Variants in PALS1 observed in about 807,000 individuals in gnomAD.
The protein encoded by PALS1 is protein PALS1.
Under a neutral mutation model 78.9 loss-of-function variants are expected in PALS1, and 31 were observed. That is an observed-to-expected ratio of 0.39 (90% CI 0.30 to 0.53). The LOEUF is 0.53. PALS1 is among the 20% of genes least tolerant of loss of function. The pLI, the probability that PALS1 is intolerant of heterozygous loss-of-function variation, is 0.67. For missense variants in PALS1, 704 were observed against 826.5 expected (o/e 0.85, Z 1.82); for synonymous variants, 276 against 270.9 (o/e 1.02, Z -0.18).
At chr14:67,294,383 A>G (rs1226846046) in intron 4 of PALS1, 1 of 152,086 alleles carries the variant, frequency 6.6e-6, no homozygotes, top group Non-Finnish European at 1.5e-5. Context: ...AAATGGACCC[A>G]TTGCCTTTAT....
chr14:67,264,959 A>T (rs1278446751), intron 1 of PALS1, among the ~76,000 whole-genome samples: 1 of 152,170 alleles, frequency 6.6e-6, no homozygotes. Flanking sequence ...CCATGAGGGC[A>T]GATGATTTAT....
intron 2 of PALS1, among the ~76,000 whole-genome samples, chr14:67,275,605 G>A (rs945558254): frequency 3.2e-4 from 49 of 152,064 alleles, no homozygotes; most frequent in African/African-American, 1.1e-3. Context: ...GTCTCTGCCC[G>A]GCTTTGGTAT....
chr14:67,281,704 GAAAC>G (rs2084611015), intron 3 of PALS1, among the ~76,000 whole-genome samples: 2 of 152,104 alleles, frequency 1.3e-5, no homozygotes, highest in Non-Finnish European at 2.9e-5. Flanking sequence ...TCACAGTAAA[GAAAC>G]AAATATAGCT....
chr14:67,314,605 T>C (rs1481492660), intron 9 of PALS1, among the ~76,000 whole-genome samples: 1 of 152,238 alleles, frequency 6.6e-6, no homozygotes, highest in East Asian at 1.9e-4. Flanking sequence ...TTGTGCCAAA[T>C]ATCAGTATGG....
chr14:67,258,296 A>G (rs1189067887), intron 1 of PALS1, among the ~76,000 whole-genome samples: 1 of 152,082 alleles, frequency 6.6e-6, no homozygotes, highest in Non-Finnish European at 1.5e-5. Context: ...GCACTTTGGG[A>G]TCCCAAGGCA....
At chr14:67,243,932 C>T (rs2083945338) in intron 1 of PALS1, among the ~76,000 whole-genome samples, 1 of 152,198 alleles carries the variant, frequency 6.6e-6, no homozygotes, top group African/African-American at 2.4e-5. Context: ...AATCCGTAGT[C>T]TGACTGCTAG....
chr14:67,263,722 T>A (rs145246689), intron 1 of PALS1, among the ~76,000 whole-genome samples: 189 of 152,204 alleles, frequency 1.2e-3, no homozygotes, highest in Non-Finnish European at 2.4e-3. Context: ...TGATGATAAC[T>A]TTGAGGAGTT....
chr14:67,285,770 C>G (rs757179573), intron 3 of PALS1, among the ~76,000 whole-genome samples: 5 of 152,068 alleles, frequency 3.3e-5, no homozygotes, highest in Admixed American at 6.6e-5. Context: ...TAAAGTAACT[C>G]TTGGTGATTG....
chr14:67,276,375 T>G (rs2084506005), intron 2 of PALS1, among the ~76,000 whole-genome samples: 1 of 152,222 alleles, frequency 6.6e-6, no homozygotes, highest in African/African-American at 2.4e-5. Flanking sequence ...CCTGTCTGCC[T>G]GGAATAGACC....
intron 1 of PALS1, among the ~76,000 whole-genome samples, chr14:67,248,927 T>C (rs1185659341): frequency 1.3e-5 from 2 of 152,106 alleles, no homozygotes; most frequent in African/African-American, 4.8e-5. Flanking sequence ...CCTAAAGTGC[T>C]GGGATTACAG....
intron 1 of PALS1, among the ~76,000 whole-genome samples, chr14:67,251,812 G>A (rs920402114): frequency 7.9e-5 from 12 of 152,180 alleles, no homozygotes; most frequent in African/African-American, 2.9e-4. Flanking sequence ...CTCTTGGCAG[G>A]CCCCTATAAT....
intron 3 of PALS1, among the ~76,000 whole-genome samples, chr14:67,290,113 G>A (rs1257633253): frequency 1.3e-5 from 2 of 151,890 alleles, no homozygotes; most frequent in African/African-American, 4.8e-5. Context: ...ATAAGTCCTT[G>A]TATGTGCTCT....
rs1595597997 is a variant in PALS1, at chr14:67,301,057, A to C, written c.577-332A>C. Among the ~76,000 whole-genome samples, 5 of 152,258 alleles carry C rather than the reference A, an allele frequency of 3.3e-5. No individual in the cohort carries two copies. In the South Asian group the frequency reaches 8.3e-4, roughly 25 times the overall value. On this transcript the variant is annotated intron_variant, in intron 4 of 14. Transcript: ENST00000261681. ...GTCACATAAATGATTTAAAAACTAT[A>C]AAATAGCAAGGTAACTGTTAGGACA...
At chr14:67,290,405 G>A (rs1295301189) in intron 3 of PALS1, among the ~76,000 whole-genome samples, 1 of 152,118 alleles carries the variant, frequency 6.6e-6, no homozygotes, top group East Asian at 1.9e-4. Flanking sequence ...TAAATCAGTG[G>A]AAAAGGAATT....
intron 4 of PALS1, 60 bp from the exon 5 acceptor site, chr14:67,301,329 A>G (rs2084930122): frequency 9.6e-7 from 1 of 1,036,546 alleles, no homozygotes; most frequent in Non-Finnish European, 1.4e-6. Context: ...GACCCTGCAT[A>G]CAGGTGCTAC....
Position 67,333,452 on chromosome 14 carries a change from A to T in PALS1, c.*496A>T, listed in dbSNP as rs1284190993. 6.6e-6 allele frequency: 1 copy of T among 152,662 alleles called. No individual in the cohort carries two copies. Among genetic ancestry groups the T allele is most frequent in the Non-Finnish European group, 1.5e-5 (1 of 68,056 alleles). The allele number at this position is 152,662 out of a possible 1,614,324, so 9.5% of individuals were successfully genotyped here. A position where few individuals can be genotyped will look rare whatever the true frequency, so the allele number is the denominator to read the frequency against. ...CTTAGGAAACTAATTTAGTCATCAG[A>T]GATACTTTCCTAAAAAGGAAAAATA... On this transcript the variant is annotated 3_prime_UTR_variant, in exon 15 of 15. Transcript: ENST00000261681.
chr14:67,249,489 T>G (rs777485093), intron 1 of PALS1, among the ~76,000 whole-genome samples: 25 of 152,216 alleles, frequency 1.6e-4, no homozygotes, highest in Non-Finnish European at 3.5e-4. Flanking sequence ...TAATAAATAT[T>G]CACTTATTCA....
intron 14 of PALS1, among the ~76,000 whole-genome samples, chr14:67,324,697 CCCCAG>C (rs1317779467): frequency 6.6e-6 from 1 of 151,866 alleles, no homozygotes; most frequent in Non-Finnish European, 1.5e-5. Context: ...GATCCTCTCA[CCCCAG>C]CCTGTCCAAG....
chr14:67,282,767 T>C (rs187614875), intron 3 of PALS1, among the ~76,000 whole-genome samples: 6 of 152,262 alleles, frequency 3.9e-5, no homozygotes, highest in Admixed American at 3.3e-4. Flanking sequence ...CAAATATTAT[T>C]GTCTTTGTTC....
Sources: gnomAD v4.1 joint callset for allele counts (sites outside exome capture counted in the v4.1 genomes callset) on GRCh38, gnomAD v4.1.1 for gene constraint, MANE v1.5 for transcripts, NCBI Gene and HGNC (gene_info 2026-07-23, HGNC 2026-07-21) for gene names.